The following TENM1 variants were observed in gnomAD, a reference collection of about 807,000 sequenced individuals.
TENM1 encodes teneurin transmembrane protein 1.
A neutral mutation model predicts 174.8 loss-of-function variants in TENM1; 35 were observed. The ratio of observed to expected loss-of-function variants is 0.20; its 90% confidence interval spans 0.15 to 0.27. The LOEUF is 0.27. TENM1 is among the 10% of genes least tolerant of loss of function. The pLI, the probability that TENM1 is intolerant of heterozygous loss-of-function variation, is 1.00. For missense variants in TENM1, 1,633 were observed against 2,130.1 expected, an observed-to-expected ratio of 0.77 and a Z score of 4.59; for synonymous variants, 781 against 798.7, an observed-to-expected ratio of 0.98 and a Z score of 0.37.
At chrX:125,118,921 G>A in the TENM1 span, among the ~76,000 whole-genome samples, 1 of 111,379 alleles carries the variant, frequency 9.0e-6, no homozygotes, top group African/African-American at 3.3e-5. Flanking sequence ...GATTCCCTGA[G>A]GCTTGGGATA....
At chrX:124,593,833 C>G (rs2049823568) in intron 11 of TENM1, among the ~76,000 whole-genome samples, 1 of 111,823 alleles carries the variant, frequency 8.9e-6, no homozygotes, top group South Asian at 3.8e-4. Context: ...GGATTGCAGT[C>G]GGGGAGAGCA....
chrX:124,846,289 C>T (rs1286820147), intron 3 of TENM1, among the ~76,000 whole-genome samples: 1 of 110,590 alleles, frequency 9.0e-6, no homozygotes, highest in East Asian at 2.8e-4. Context: ...AAATTTATTT[C>T]CCAATAAACT....
chrX:124,466,032 T>A (rs113226513), intron 22 of TENM1, among the ~76,000 whole-genome samples: 1 of 111,609 alleles, frequency 9.0e-6, no homozygotes, highest in African/African-American at 3.3e-5. Flanking sequence ...TTATGAATAG[T>A]AAGGTGGGGC....
At chrX:124,562,958 C>A (rs902434527) in intron 13 of TENM1, among the ~76,000 whole-genome samples, 7 of 111,537 alleles carry the variant, frequency 6.3e-5, no homozygotes, top group African/African-American at 2.0e-4. Flanking sequence ...TATCAACAGA[C>A]AAGAGGAAGA....
At chrX:124,587,341 A>T (rs1292304656) in intron 11 of TENM1, among the ~76,000 whole-genome samples, 2 of 108,978 alleles carry the variant, frequency 1.8e-5, no homozygotes, top group East Asian at 5.8e-4. Flanking sequence ...CAAAACAGAG[A>T]TATTGACCAA....
chrX:124,761,986 T>C (rs907582374), intron 3 of TENM1, among the ~76,000 whole-genome samples: 1 of 112,536 alleles, frequency 8.9e-6, no homozygotes, highest in Non-Finnish European at 1.9e-5. Context: ...TTCTGTCCAT[T>C]TTAATGTACA....
chrX:124,628,723 G>A (rs2050693218), intron 11 of TENM1, among the ~76,000 whole-genome samples: 3 of 111,691 alleles, frequency 2.7e-5, no homozygotes, highest in Admixed American at 9.5e-5. Context: ...GAAAGCTACA[G>A]TACAATTAGA....
At chrX:124,886,291 T>C (rs1301697133) in intron 3 of TENM1, among the ~76,000 whole-genome samples, 1 of 109,771 alleles carries the variant, frequency 9.1e-6, no homozygotes, top group Non-Finnish European at 1.9e-5. Context: ...ACTTCTAAAA[T>C]ACTAATTAAT....
chrX:124,656,645 C>T (rs2051450650), intron 6 of TENM1, among the ~76,000 whole-genome samples: 1 of 111,702 alleles, frequency 9.0e-6, no homozygotes, highest in Non-Finnish European at 1.9e-5. Context: ...AAGATATTTC[C>T]CTGTTAGCAA....
intron 1 of TENM1, among the ~76,000 whole-genome samples, chrX:124,927,465 A>G (rs1487817621): frequency 2.7e-5 from 3 of 111,969 alleles, no homozygotes; most frequent in African/African-American, 9.7e-5. Context: ...TGATAGAAAA[A>G]TAAACAAACC....
chrX:124,410,602 A>G (rs1008975465), intron 25 of TENM1, among the ~76,000 whole-genome samples: 2 of 111,815 alleles, frequency 1.8e-5, no homozygotes, highest in Admixed American at 1.9e-4. Flanking sequence ...GAACGGGAGA[A>G]AATTTTTGCA....
chrX:124,458,650 G>A (rs1272236804), intron 22 of TENM1, among the ~76,000 whole-genome samples: 1 of 112,272 alleles, frequency 8.9e-6, no homozygotes, highest in Non-Finnish European at 1.9e-5. Flanking sequence ...GTCTTATTTT[G>A]ATTACTCAAA....
chrX:124,701,335 T>C lies in TENM1; in HGVS notation c.1015+3678A>G, dbSNP rs976267092. Among the ~76,000 whole-genome samples, 13 of 111,642 alleles carry C rather than the reference T, an allele frequency of 1.2e-4. 1 individual carries two copies. Among genetic ancestry groups the C allele is most frequent in the Middle Eastern group, 8.4e-3 (2 of 238 alleles). On this transcript the variant is annotated intron_variant, in intron 5 of 31. Transcript: ENST00000422452. ...CAATGTATTCATGTGAGTTTCCATG[T>C]ATGTGAGATTCTGTAGCCTCTTATA...
intron 3 of TENM1, among the ~76,000 whole-genome samples, chrX:124,892,777 TCATTAA>T (rs1255391029): frequency 7.1e-5 from 8 of 111,997 alleles, no homozygotes; most frequent in African/African-American, 2.6e-4. Context: ...AAACAAAATG[TCATTAA>T]CATTAATTGA....
At chrX:124,589,682 G>C (rs1315741803) in intron 11 of TENM1, among the ~76,000 whole-genome samples, 3 of 111,042 alleles carry the variant, frequency 2.7e-5, no homozygotes, top group Non-Finnish European at 3.8e-5. Context: ...ATTTCCTCTA[G>C]ACTTTCTAGT....
intron 1 of TENM1, among the ~76,000 whole-genome samples, chrX:124,924,369 G>A (rs1275605169): frequency 9.0e-6 from 1 of 111,316 alleles, no homozygotes; most frequent in African/African-American, 3.3e-5. Flanking sequence ...GGAAGAGGGT[G>A]GCAGGAACTA....
chrX:124,736,296 A>G (rs1603095852), intron 4 of TENM1, among the ~76,000 whole-genome samples: 1 of 112,050 alleles, frequency 8.9e-6, no homozygotes, highest in Admixed American at 9.4e-5. Context: ...ATCTATCATG[A>G]TCAAGGGACC....
At chrX:125,056,740 A>G in the TENM1 span, among the ~76,000 whole-genome samples, 1 of 111,957 alleles carries the variant, frequency 8.9e-6, no homozygotes, top group East Asian at 2.8e-4. Flanking sequence ...TCCGTAATTG[A>G]TTCTGTCACC....
the TENM1 span, among the ~76,000 whole-genome samples, chrX:125,056,259 G>C: frequency 1.8e-5 from 2 of 111,201 alleles, no homozygotes; most frequent in Admixed American, 9.6e-5. Context: ...TGAATGTTAG[G>C]CTATAATAAT....
Sources: allele counts gnomAD v4.1 joint callset (sites outside exome capture counted in the v4.1 genomes callset), GRCh38; gene constraint gnomAD v4.1.1; transcripts MANE v1.5; gene names NCBI Gene and HGNC (gene_info 2026-07-23, HGNC 2026-07-21).